The following ZNF385D variants were observed in gnomAD, a reference collection of about 807,000 sequenced individuals.
ZNF385D encodes zinc finger protein 385D.
In ZNF385D, 15 loss-of-function variants were observed where a neutral mutation model predicts 35.8. That is an observed-to-expected ratio of 0.42 (90% CI 0.28 to 0.64). ZNF385D has a LOEUF of 0.64. Ranked by LOEUF, ZNF385D falls within the 30% of genes least tolerant of loss-of-function variation. The probability of loss-of-function intolerance (pLI) is 0.23; values close to 1 mark genes in which losing one functional copy is unlikely to be tolerated. For missense variants in ZNF385D, 474 were observed against 494.6 expected (o/e 0.96, Z 0.39); for synonymous variants, 212 against 186.8 (o/e 1.13, Z -1.10).
chr3:21,755,192 ATCTTT>A (rs1172765092), upstream of ZNF385D, among the ~76,000 whole-genome samples: 1 of 152,122 alleles, frequency 6.6e-6, no homozygotes, highest in African/African-American at 2.4e-5. Flanking sequence ...GTCCACCTTT[ATCTTT>A]TATCTATATT....
intron 2 of ZNF385D, among the ~76,000 whole-genome samples, chr3:21,593,449 T>C (rs2064040134): frequency 6.6e-6 from 1 of 152,200 alleles, no homozygotes; most frequent in Non-Finnish European, 1.5e-5. Context: ...CTCTATCCTT[T>C]GTGGACAAAG....
At chr3:21,648,173 G>C (rs1032631694) in intron 2 of ZNF385D, among the ~76,000 whole-genome samples, 4 of 152,140 alleles carry the variant, frequency 2.6e-5, no homozygotes, top group African/African-American at 9.7e-5. Flanking sequence ...GGAGTTGATT[G>C]GATCATGAGG....
chr3:22,099,866 T>G, intron 3 of ZNF385D, among the ~76,000 whole-genome samples: 1 of 152,116 alleles, frequency 6.6e-6, no homozygotes, highest in Middle Eastern at 3.4e-3. Flanking sequence ...GGTTGTAGAA[T>G]GTATAGAATA....
At chr3:21,958,567 A>C (rs1299558749) in intron 3 of ZNF385D, among the ~76,000 whole-genome samples, 1 of 152,124 alleles carries the variant, frequency 6.6e-6, no homozygotes. Context: ...CTATATATCT[A>C]ATAAAAGATA....
chr3:21,559,819 T>TTTCAC (rs2062874390), intron 3 of ZNF385D, among the ~76,000 whole-genome samples: 1 of 152,234 alleles, frequency 6.6e-6, no homozygotes, highest in African/African-American at 2.4e-5. Context: ...GGTTTGGTCT[T>TTTCAC]TTCACATATT....
chr3:22,015,384 C>A (rs575116551), intron 3 of ZNF385D, among the ~76,000 whole-genome samples: 1 of 152,136 alleles, frequency 6.6e-6, no homozygotes, highest in African/African-American at 2.4e-5. Context: ...ATCATGAACA[C>A]CTAAGTCAAC....
At chr3:22,308,939 A>G (rs1038683077) in intron 2 of ZNF385D, among the ~76,000 whole-genome samples, 1 of 151,994 alleles carries the variant, frequency 6.6e-6, no homozygotes. Flanking sequence ...TAATTTAGGA[A>G]TTTTTTTCTA....
intron 3 of ZNF385D, among the ~76,000 whole-genome samples, chr3:22,151,888 G>A (rs1157510329): frequency 6.6e-6 from 1 of 152,116 alleles, no homozygotes; most frequent in Non-Finnish European, 1.5e-5. Flanking sequence ...AGGGGTACAT[G>A]TGCAGGTTAT....
intron 2 of ZNF385D, among the ~76,000 whole-genome samples, chr3:21,660,795 T>A (rs1308090141): frequency 6.6e-6 from 1 of 152,184 alleles, no homozygotes; most frequent in Non-Finnish European, 1.5e-5. Context: ...AAATTGTTTG[T>A]TTAGTTATTT....
chr3:21,470,907 C>A (rs895432244), intron 4 of ZNF385D, among the ~76,000 whole-genome samples: 1 of 152,196 alleles, frequency 6.6e-6, no homozygotes, highest in South Asian at 2.1e-4. Context: ...TACTGCATTT[C>A]AACAAAATGG....
At chr3:21,443,429 T>TAAGAC in intron 4 of ZNF385D, 3 of 711,264 alleles carry the variant, frequency 4.2e-6, no homozygotes, top group Non-Finnish European at 5.2e-6. Context: ...GTCTGTCTTA[T>TAAGAC]AGAACCCATC....
intron 2 of ZNF385D, among the ~76,000 whole-genome samples, chr3:21,595,975 C>G (rs906252942): frequency 6.6e-6 from 1 of 152,192 alleles, no homozygotes; most frequent in African/African-American, 2.4e-5. Context: ...TTACTTAAGT[C>G]TCTTTAATCT....
intron 2 of ZNF385D, among the ~76,000 whole-genome samples, chr3:22,269,966 AGC>A (rs773560996): frequency 9.2e-5 from 14 of 151,814 alleles, no homozygotes; most frequent in Admixed American, 2.0e-4. Flanking sequence ...AGTAGTGTAT[AGC>A]AGCACTTCTC....
intron 1 of ZNF385D, among the ~76,000 whole-genome samples, chr3:21,748,037 G>T (rs1559580362): frequency 2.0e-5 from 3 of 152,046 alleles, no homozygotes; most frequent in Non-Finnish European, 1.5e-5. Context: ...ACTCCAAATG[G>T]TGAATGCAAG....
At chr3:21,733,085 T>TA (rs1335587710) in intron 1 of ZNF385D, among the ~76,000 whole-genome samples, 1 of 151,784 alleles carries the variant, frequency 6.6e-6, no homozygotes, top group Non-Finnish European at 1.5e-5. Flanking sequence ...AAGGTCTTTG[T>TA]CTAAATTCAT....
At chr3:21,783,604 C>G (rs1243137065) in intron 3 of ZNF385D, among the ~76,000 whole-genome samples, 1 of 152,068 alleles carries the variant, frequency 6.6e-6, no homozygotes, top group Non-Finnish European at 1.5e-5. Flanking sequence ...CTTAAGAGAG[C>G]CCATTCAGTC....
chr3:22,101,676 A>G (rs1381226438), intron 3 of ZNF385D, among the ~76,000 whole-genome samples: 1 of 150,374 alleles, frequency 6.7e-6, no homozygotes, highest in Non-Finnish European at 1.5e-5. Context: ...ACGTTTTGCA[A>G]CAGTTCAGCT....
intron 3 of ZNF385D, chr3:21,542,712 TCAATAGGGAGGAGCCTGGCCC>T (rs1033015469): frequency 6.6e-6 from 1 of 152,148 alleles, no homozygotes; most frequent in Non-Finnish European, 1.5e-5. Flanking sequence ...CTCAGGAAGT[TCAATAGGGAGGAGCCTGGCCC>T]CTCCTCTTCC....
chr3:22,007,287 C>G lies in ZNF385D; in HGVS notation c.325+161530G>C, dbSNP rs566467842. Among the ~76,000 whole-genome samples the G allele has an allele frequency of 2.0e-5, 3 of 152,120 alleles. No individual in the cohort carries two copies. The East Asian group carries it at 5.8e-4, about 29-fold the overall frequency. On this transcript the variant is annotated intron_variant, in intron 3 of 5. Transcript: ENST00000494108. ...AATTTTTTTAAATCAACATTATATC[C>G]TGGAAATCAATTCATAAGTGTTCAT...
Sources: gnomAD v4.1 joint callset for allele counts (sites outside exome capture counted in the v4.1 genomes callset) on GRCh38, gnomAD v4.1.1 for gene constraint, MANE v1.5 for transcripts, NCBI Gene and HGNC (gene_info 2026-07-23, HGNC 2026-07-21) for gene names.